Variants in CA5A observed in about 807,000 individuals in gnomAD.
CA5A encodes the protein carbonic anhydrase 5A.
In CA5A, 28 loss-of-function variants were observed where a neutral mutation model predicts 37.1. The observed-to-expected ratio is 0.75, with a 90% CI of 0.56 to 1.03. The LOEUF (loss-of-function observed/expected upper bound fraction) is 1.03, where lower values mean the gene tolerates loss of function less well. Ranked by LOEUF, CA5A falls within the 50% of genes least tolerant of loss-of-function variation. The probability of loss-of-function intolerance (pLI) is 0.00; values close to 1 mark genes in which losing one functional copy is unlikely to be tolerated. For missense variants in CA5A, 444 were observed against 399.9 expected (o/e 1.11, Z -0.94); for synonymous variants, 171 against 158.4 (o/e 1.08, Z -0.60).
chr16:87,913,305 C>CTTTTTT lies in CA5A; in HGVS notation c.341-8407_341-8402dup, dbSNP rs56257660. ...ATCAACAGGTTTTGAATGTTCCAGT[C>CTTTTTT]TTTTTTTTTTTTTTGAGTCAGGGGT... On this transcript the variant is annotated intron_variant, in intron 2 of 6. Coordinates refer to ENST00000649794, the MANE Select transcript of CA5A (RefSeq NM_001739.2). Among the ~76,000 whole-genome samples the CTTTTTT allele has an allele frequency of 1.9e-3, 247 of 133,318 alleles. 7 individuals carry two copies. Among genetic ancestry groups the CTTTTTT allele is most frequent in the African/African-American group, 6.2e-3 (196 of 31,800 alleles). 87.5% of individuals were successfully genotyped at this position (133,318 alleles called of 152,430 possible).
At chr16:87,900,041 T>A (rs1303158582) in intron 5 of CA5A, among the ~76,000 whole-genome samples, 2 of 150,454 alleles carry the variant, frequency 1.3e-5, no homozygotes, top group Non-Finnish European at 3.0e-5. Context: ...CTTCCTCCCC[T>A]GTCCCGGGCA....
At chr16:87,928,464 T>TACC (rs1952132725) in intron 1 of CA5A, among the ~76,000 whole-genome samples, 2 of 152,170 alleles carry the variant, frequency 1.3e-5, no homozygotes. Flanking sequence ...TAGAAGTGTG[T>TACC]ACCACCACAC....
intron 2 of CA5A, among the ~76,000 whole-genome samples, chr16:87,920,349 G>A (rs1384715807): frequency 6.6e-6 from 1 of 152,218 alleles, no homozygotes; most frequent in African/African-American, 2.4e-5. Flanking sequence ...GTCTCGCTCT[G>A]TCGCCCAGGC....
intron 5 of CA5A, among the ~76,000 whole-genome samples, chr16:87,900,615 C>T (rs568478028): frequency 6.6e-6 from 1 of 152,374 alleles, no homozygotes; most frequent in African/African-American, 2.4e-5. Flanking sequence ...CCCTCAAAGC[C>T]TTTTCTCAGC....
At chr16:87,910,692 C>A (rs1324147254) in intron 2 of CA5A, among the ~76,000 whole-genome samples, 1 of 152,146 alleles carries the variant, frequency 6.6e-6, no homozygotes. Context: ...ATTCTCCTGC[C>A]TCAGCCTCCT....
At position 87,904,810 on chromosome 16, in the gene CA5A, C is replaced by T. The variant is rs756782510; in HGVS notation, c.435G>A (p.Val145=). The change falls in exon 3 of 7, where the codon GTG becomes GTA. Residue 145 remains valine (V), a synonymous_variant. Coordinates refer to ENST00000649794, the MANE Select transcript of CA5A (RefSeq NM_001739.2). ...AVNEGGSEHT[V]DGHAYPAELH... ...CCTCTGCGGGGTACGCGTGGCCGTCCACTGTGTGCTCTGAGCCCCCCTCGT... is the reference window on the plus strand; with the variant it reads ...CCTCTGCGGGGTACGCGTGGCCGTCTACTGTGTGCTCTGAGCCCCCCTCGT... 6.2e-7 allele frequency: 1 copy of T among 1,610,674 alleles called. No homozygotes were observed. The highest frequency in any genetic ancestry group is 1.1e-5 in the South Asian group (1 of 90,974).
chr16:87,888,383 G>A (rs1318945878), intron 6 of CA5A, 111 bp from the exon 7 acceptor site: 16 of 914,706 alleles, frequency 1.7e-5, no homozygotes, highest in African/African-American at 5.0e-5. Flanking sequence ...AGGATGGCCC[G>A]AAATGATCAA....
intron 3 of CA5A, among the ~76,000 whole-genome samples, chr16:87,904,162 C>T (rs1326674635): frequency 2.0e-5 from 3 of 151,782 alleles, no homozygotes; most frequent in Non-Finnish European, 2.9e-5. Flanking sequence ...GCCAACATGG[C>T]GAAACCCCAT....
At chr16:87,893,276 C>T (rs117599131) in intron 5 of CA5A, among the ~76,000 whole-genome samples, 4 of 151,882 alleles carry the variant, frequency 2.6e-5, no homozygotes, top group East Asian at 1.9e-4. Flanking sequence ...TACATCTTCA[C>T]GCCATCGCGA....
intron 2 of CA5A, among the ~76,000 whole-genome samples, chr16:87,917,408 T>A (rs1597573804): frequency 6.6e-6 from 1 of 152,304 alleles, no homozygotes; most frequent in South Asian, 2.1e-4. Flanking sequence ...CTCTAACAGG[T>A]AAACTTTGGA....
intron 1 of CA5A, among the ~76,000 whole-genome samples, chr16:87,935,542 C>A (rs748642179): frequency 1.1e-4 from 16 of 152,164 alleles, no homozygotes; most frequent in Admixed American, 3.3e-4. Context: ...ACCCCTGAAA[C>A]GGAGGCTAAA....
chr16:87,935,300 G>A (rs2056456508), intron 1 of CA5A, among the ~76,000 whole-genome samples: 1 of 152,352 alleles, frequency 6.6e-6, no homozygotes, highest in East Asian at 1.9e-4. Context: ...AAGGTCACAA[G>A]GCACTGACCA....
At chr16:87,915,875 A>T (rs1306804450) in intron 2 of CA5A, among the ~76,000 whole-genome samples, 10 of 152,112 alleles carry the variant, frequency 6.6e-5, no homozygotes, top group South Asian at 2.1e-4. Flanking sequence ...ACAGTGTATT[A>T]GTCTGTTTTC....
intron 1 of CA5A, among the ~76,000 whole-genome samples, chr16:87,931,858 C>A (rs1597591995): frequency 1.3e-5 from 2 of 152,362 alleles, no homozygotes; most frequent in South Asian, 2.1e-4. Context: ...ACAACAGGGG[C>A]CTCTGTCTGT....
intron 1 of CA5A, among the ~76,000 whole-genome samples, chr16:87,929,827 G>C (rs565505373): frequency 4.9e-5 from 6 of 121,690 alleles, no homozygotes; most frequent in East Asian, 4.8e-4. Flanking sequence ...AGCCGAGATC[G>C]CGCCACCGCA....
intron 2 of CA5A, among the ~76,000 whole-genome samples, chr16:87,912,029 C>T (rs767480223): frequency 1.4e-4 from 22 of 152,124 alleles, no homozygotes; most frequent in African/African-American, 2.2e-4. Flanking sequence ...CGCCCAGGCA[C>T]GGTGGCTCAT....
intron 2 of CA5A, among the ~76,000 whole-genome samples, chr16:87,915,699 A>T (rs143690071): frequency 3.6e-5 from 5 of 137,182 alleles, no homozygotes; most frequent in South Asian, 4.4e-4. Context: ...CAAAAAAAAA[A>T]AAAAAAAAAA....
At chr16:87,932,753 G>C (rs1476837554) in intron 1 of CA5A, among the ~76,000 whole-genome samples, 1 of 151,894 alleles carries the variant, frequency 6.6e-6, no homozygotes, top group African/African-American at 2.4e-5. Flanking sequence ...GGCGCAGTCT[G>C]GAAGGAGACC....
At chr16:87,904,467 C>A (rs574059490) in intron 3 of CA5A, among the ~76,000 whole-genome samples, 28 of 152,358 alleles carry the variant, frequency 1.8e-4, no homozygotes, top group Admixed American at 5.2e-4. Context: ...CAGCTGCAAG[C>A]ACACAGCTGA....
Sources: gnomAD v4.1 joint callset for allele counts (sites outside exome capture counted in the v4.1 genomes callset) on GRCh38, gnomAD v4.1.1 for gene constraint, MANE v1.5 for transcripts, NCBI Gene and HGNC (gene_info 2026-07-23, HGNC 2026-07-21) for gene names.